The following ZNF829 variants were observed in gnomAD, a reference collection of about 807,000 sequenced individuals.
The protein encoded by ZNF829 is zinc finger protein 829.
In ZNF829, 25 loss-of-function variants were observed where a neutral mutation model predicts 35.2. That is an observed-to-expected ratio of 0.71 (90% CI 0.52 to 0.99). ZNF829 has a LOEUF of 0.99. Among genes scored for constraint, ZNF829 ranks in the 50% least tolerant of loss-of-function variants. The pLI, the probability that ZNF829 is intolerant of heterozygous loss-of-function variation, is 0.00. For synonymous variants in ZNF829, 136 were observed against 163.2 expected (o/e 0.83, Z 1.27); for missense variants, 417 against 515.3 (o/e 0.81, Z 1.85).
At chr19:36,900,857 A>T (rs2073159623) in intron 5 of ZNF829, among the ~76,000 whole-genome samples, 1 of 151,864 alleles carries the variant, frequency 6.6e-6, no homozygotes, top group African/African-American at 2.4e-5. Flanking sequence ...GAAAAAAAAA[A>T]AAAAAAAAAA....
chr19:36,897,229 A>C (rs1478701138), intron 5 of ZNF829, among the ~76,000 whole-genome samples: 2 of 152,218 alleles, frequency 1.3e-5, no homozygotes, highest in Admixed American at 1.3e-4. Context: ...CCCTGATACC[A>C]AAACCAGAGA....
chr19:36,908,593 C>A, intron 3 of ZNF829, 134 bp from the exon 4 acceptor site: 1 of 951,616 alleles, frequency 1.1e-6, no homozygotes, highest in African/African-American at 1.7e-5. Context: ...GTCCTGTGTA[C>A]AAAGGGATAT....
intron 5 of ZNF829, among the ~76,000 whole-genome samples, chr19:36,898,378 A>G (rs539659869): frequency 3.1e-4 from 47 of 152,330 alleles, no homozygotes; most frequent in African/African-American, 1.1e-3. Context: ...AGATATTTGC[A>G]TGCTTATGCA....
At chr19:36,911,823 C>T (rs944649953) in intron 3 of ZNF829, among the ~76,000 whole-genome samples, 6 of 152,150 alleles carry the variant, frequency 3.9e-5, no homozygotes, top group Non-Finnish European at 7.3e-5. Context: ...GACAAAGTGA[C>T]CTCAACAAAG....
intron 5 of ZNF829, among the ~76,000 whole-genome samples, chr19:36,900,847 G>GGAA (rs1040243689): frequency 4.5e-5 from 4 of 88,970 alleles, no homozygotes; most frequent in Non-Finnish European, 6.4e-5. Context: ...GACTGTCTCA[G>GGAA]AAAAAAAAAA....
At chr19:36,907,111 A>AAAG (rs71177413) in intron 5 of ZNF829, 1 of 40,934 alleles carries the variant, frequency 2.4e-5, no homozygotes, top group South Asian at 9.8e-4. Context: ...AAAAAAAAAA[A>AAAG]TGTATATATA....
rs1419711055 is a variant in ZNF829, at chr19:36,892,386, A to C, written c.405T>G (p.Ser135=). The C allele has an allele frequency of 6.2e-7, 1 of 1,613,074 alleles. No individual in the cohort carries two copies. The highest frequency in any genetic ancestry group is 8.5e-7 in the Non-Finnish European group (1 of 1,179,858). ...SQVIITREDM[S]TFIQPTFLIP... ...TAAGAAATGTGGGCTGAATAAAAGTAGACATGTCTTCACGGGTAATTATTA... is the reference window on the plus strand; with the variant it reads ...TAAGAAATGTGGGCTGAATAAAAGTCGACATGTCTTCACGGGTAATTATTA... The change falls in exon 6 of 6, where the codon TCT becomes TCG. Residue 135 remains serine (S), a synonymous_variant. Transcript: ENST00000391711.
At chr19:36,901,103 CA>C (rs2073162079) in intron 5 of ZNF829, among the ~76,000 whole-genome samples, 1 of 152,010 alleles carries the variant, frequency 6.6e-6, no homozygotes, top group Non-Finnish European at 1.5e-5. Flanking sequence ...CAAAATAGCC[CA>C]AAAGAGGAAA....
rs1568366193 is a variant in ZNF829, at chr19:36,891,518, GA to G, written c.1272del (p.Arg425AlafsTer10). ...GKAFGSRSDL[I>X]RHEGIHTG ...CAACCAGTATGAATTCCCTCATGGCGAATGAGGTCAGAGCGACTACCAAAAG... is the reference window on the plus strand; with the variant it reads ...CAACCAGTATGAATTCCCTCATGGCGATGAGGTCAGAGCGACTACCAAAAG... On this transcript the variant is annotated frameshift_variant, in exon 6 of 6. Transcript: ENST00000391711. LOFTEE classifies it high-confidence loss of function. The G allele has an allele frequency of 6.4e-7, 1 of 1,573,506 alleles. No homozygotes were observed. Among genetic ancestry groups the G allele is most frequent in the South Asian group, 1.2e-5 (1 of 83,922 alleles).
chr19:36,899,881 T>G (rs955806381), intron 5 of ZNF829, among the ~76,000 whole-genome samples: 4 of 151,692 alleles, frequency 2.6e-5, no homozygotes, highest in African/African-American at 9.7e-5. Flanking sequence ...TATACAATAA[T>G]TTTTAAAAAA....
intron 3 of ZNF829, among the ~76,000 whole-genome samples, chr19:36,910,700 A>G (rs2073256773): frequency 6.6e-6 from 1 of 152,064 alleles, no homozygotes; most frequent in African/African-American, 2.4e-5. Flanking sequence ...CCTTAGTTGT[A>G]TCCTTTGTAA....
intron 3 of ZNF829, 96 bp from the exon 4 acceptor site, chr19:36,908,555 G>T: frequency 1.5e-6 from 2 of 1,373,828 alleles, no homozygotes; most frequent in Non-Finnish European, 2.0e-6. Context: ...ATTAAAGGGG[G>T]TGAATCCTAT....
chr19:36,894,482 A>G (rs2073092985), intron 5 of ZNF829, among the ~76,000 whole-genome samples: 1 of 152,214 alleles, frequency 6.6e-6, no homozygotes, highest in Non-Finnish European at 1.5e-5. Flanking sequence ...TGCCTGAAAA[A>G]GAATTCAAAA....
Position 36,916,120 on chromosome 19 carries a change from C to T in ZNF829, c.-194G>A. 1.8e-6 allele frequency: 1 copy of T among 560,410 alleles called. No individual in the cohort carries two copies. Among genetic ancestry groups the T allele is most frequent in the Non-Finnish European group, 3.1e-6 (1 of 323,924 alleles). 34.7% of individuals were successfully genotyped at this position (560,410 alleles called of 1,614,324 possible). A position where few individuals can be genotyped will look rare whatever the true frequency, so the allele number is the denominator to read the frequency against. Reference sequence around the variant, plus strand: ...AATGTAGTCCAGAGCGGGACCCACGCCGATTCCTGTCAGCTCCTCGCCTGG... The same window carrying T: ...AATGTAGTCCAGAGCGGGACCCACGTCGATTCCTGTCAGCTCCTCGCCTGG... On this transcript the variant is annotated 5_prime_UTR_variant, in exon 1 of 6. Coordinates refer to ENST00000391711, the MANE Select transcript of ZNF829 (RefSeq NM_001037232.4). The surrounding 1 kb of genome is among the most constrained non-coding windows in gnomAD (Gnocchi z 5.3).
intron 1 of ZNF829, among the ~76,000 whole-genome samples, chr19:36,915,570 A>G (rs1272114379): frequency 6.7e-6 from 1 of 149,196 alleles, no homozygotes; most frequent in African/African-American, 2.5e-5. Flanking sequence ...TATCTCCCAG[A>G]CAATTTCACA....
rs2073019598 is a variant in ZNF829 at position 36,888,540 on chromosome 19, AAAG to A, written c.*2949_*2951del. 3 of 152,182 alleles carry A rather than the reference AAAG, an allele frequency of 2.0e-5. No individual in the cohort carries two copies. The highest frequency in any genetic ancestry group is 4.4e-5 in the Non-Finnish European group (3 of 68,036). 9.4% of individuals were successfully genotyped at this position (152,182 alleles called of 1,614,324 possible). ...TAGCATAATGCCCCCACCTTTTAAAAAAGCATTCTTAATTTGCCTTTTATTGTT... is the reference window on the plus strand; with the variant it reads ...TAGCATAATGCCCCCACCTTTTAAAACATTCTTAATTTGCCTTTTATTGTT... On this transcript the variant is annotated 3_prime_UTR_variant, in exon 6 of 6. Transcript: ENST00000391711.
At position 36,891,340 on chromosome 19, in the gene ZNF829, C is replaced by T; in HGVS notation, c.*152G>A. ...AATAAATTTCTCTTGTTTTAAGCCA[C>T]CAAGGTTTTGGTACTTGGTACTTTG... On this transcript the variant is annotated 3_prime_UTR_variant, in exon 6 of 6. Transcript: ENST00000391711. 1.4e-6 allele frequency: 1 copy of T among 724,490 alleles called. No homozygotes were observed. Among genetic ancestry groups the T allele is most frequent in the Non-Finnish European group, 2.1e-6 (1 of 482,142 alleles). 44.9% of individuals were successfully genotyped at this position (724,490 alleles called of 1,614,324 possible).
chr19:36,914,902 A>G, intron 3 of ZNF829, 63 bp downstream of exon 3: 1 of 1,529,822 alleles, frequency 6.5e-7, no homozygotes, highest in Non-Finnish European at 9.0e-7. Context: ...ATAGGGACCT[A>G]TAATTAAATG....
intron 5 of ZNF829, among the ~76,000 whole-genome samples, chr19:36,903,023 G>A (rs976752669): frequency 4.6e-5 from 7 of 152,068 alleles, no homozygotes; most frequent in Admixed American, 3.3e-4. Flanking sequence ...GCGACAGAGC[G>A]AATCTCCATC....
Sources: allele counts gnomAD v4.1 joint callset (sites outside exome capture counted in the v4.1 genomes callset), GRCh38; gene constraint gnomAD v4.1.1; non-coding constraint Gnocchi (gnomAD v3.1); transcripts MANE v1.5; gene names NCBI Gene and HGNC (gene_info 2026-07-23, HGNC 2026-07-21).